Variants in RHOT1 observed in about 807,000 individuals in gnomAD.
The protein encoded by RHOT1 is ras homolog family member T1, also known as mitochondrial Rho GTPase 1.
RHOT1 carries 27 observed loss-of-function variants against 95.3 expected under a neutral mutation model. That is an observed-to-expected ratio of 0.28 (90% confidence interval 0.21 to 0.39). The LOEUF (loss-of-function observed/expected upper bound fraction) is 0.39. Among genes scored for constraint, RHOT1 ranks in the 10% least tolerant of loss-of-function variants. RHOT1 has a pLI of 1.00. For missense variants in RHOT1, 578 were observed against 786.7 expected, an observed-to-expected ratio of 0.73 and a Z score of 3.17; for synonymous variants, 227 against 263.5, an observed-to-expected ratio of 0.86 and a Z score of 1.34.
At chr17:32,147,549 C>T (rs1241896515) in intron 1 of RHOT1, among the ~76,000 whole-genome samples, 6 of 151,928 alleles carry the variant, frequency 3.9e-5, no homozygotes, top group Non-Finnish European at 7.4e-5. Context: ...ACTGGCCGGG[C>T]GCGGTGGCTC....
intron 1 of RHOT1, among the ~76,000 whole-genome samples, chr17:32,158,757 C>T (rs895239307): frequency 3.9e-5 from 6 of 152,282 alleles, no homozygotes; most frequent in Middle Eastern, 3.4e-3. Flanking sequence ...CGTGTCCGGC[C>T]GTTTCTTGGT....
At chr17:32,202,639 GT>G (rs2037407413) in intron 14 of RHOT1, 130 bp from the exon 15 acceptor site, 1 of 646,842 alleles carries the variant, frequency 1.5e-6, no homozygotes. Flanking sequence ...TGTACAATAT[GT>G]TTGTTTATAG....
intron 19 of RHOT1, among the ~76,000 whole-genome samples, chr17:32,223,731 A>G (rs1487892754): frequency 6.6e-6 from 1 of 152,124 alleles, no homozygotes; most frequent in African/African-American, 2.4e-5. Flanking sequence ...TAAGTTTTCT[A>G]CATCATCTCA....
intron 19 of RHOT1, among the ~76,000 whole-genome samples, chr17:32,221,413 T>G (rs1404698805): frequency 6.6e-6 from 1 of 151,822 alleles, no homozygotes; most frequent in Non-Finnish European, 1.5e-5. Context: ...GCCAGAAGCT[T>G]TATGAAACTG....
chr17:32,206,894 C>G lies in RHOT1; in HGVS notation c.1417-16C>G, dbSNP rs2037794928. ...TTATGATACTTATATTTTTCATTAT[C>G]TTTTTCTTTTACAAGTTGCATGATA... On this transcript the variant is annotated splice_polypyrimidine_tract_variant and intron_variant, in intron 16 of 19. Coordinates refer to ENST00000545287, the MANE Select transcript of RHOT1 (RefSeq NM_001033566.3). 1 of 1,523,662 alleles carries G rather than the reference C, an allele frequency of 6.6e-7. No individual in the cohort carries two copies. 94.4% of individuals were successfully genotyped at this position (1,523,662 alleles called of 1,614,324 possible). A position where few individuals can be genotyped will look rare whatever the true frequency, so the allele number is the denominator to read the frequency against.
intron 19 of RHOT1, chr17:32,221,028 T>TA: frequency 1.0e-6 from 1 of 969,594 alleles, no homozygotes; most frequent in Non-Finnish European, 1.2e-6. Context: ...TTGAAAGAAT[T>TA]ATGCTTTTGA....
At chr17:32,178,830 C>G (rs1291561809) in intron 6 of RHOT1, 1 of 150,364 alleles carries the variant, frequency 6.7e-6, no homozygotes, top group Non-Finnish European at 1.4e-5. Context: ...AGCATCTCTG[C>G]CTGGCCACCC....
chr17:32,182,295 T>C (rs766088060), intron 6 of RHOT1, among the ~76,000 whole-genome samples: 1 of 152,058 alleles, frequency 6.6e-6, no homozygotes, highest in African/African-American at 2.4e-5. Context: ...CTAGGCAATA[T>C]AGCTAGACCC....
chr17:32,203,731 A>G (rs1188301166), intron 15 of RHOT1, 159 bp from the exon 16 acceptor site: 5 of 573,566 alleles, frequency 8.7e-6, no homozygotes, highest in Non-Finnish European at 1.5e-5. Flanking sequence ...AAGAACTAAG[A>G]AACATAAAAT....
At chr17:32,208,383 A>G (rs1244604864) in intron 18 of RHOT1, 74 bp downstream of exon 18, 9 of 1,355,478 alleles carry the variant, frequency 6.6e-6, no homozygotes, top group South Asian at 4.7e-5. Context: ...CATGAAGGGA[A>G]TATCTTTGTC....
At chr17:32,164,204 TG>T (rs2033837823) in intron 1 of RHOT1, among the ~76,000 whole-genome samples, 1 of 152,190 alleles carries the variant, frequency 6.6e-6, no homozygotes, top group South Asian at 2.1e-4. Flanking sequence ...TGTCAACTTT[TG>T]GGTAAATTTT....
chr17:32,197,734 G>A (rs947358092), intron 11 of RHOT1, among the ~76,000 whole-genome samples: 8 of 151,552 alleles, frequency 5.3e-5, no homozygotes, highest in Admixed American at 1.3e-4. Context: ...GGCCACACCC[G>A]GCTAATTTTC....
chr17:32,220,932 T>C, intron 19 of RHOT1: 2 of 380,572 alleles, frequency 5.3e-6, no homozygotes, highest in Non-Finnish European at 7.2e-6. Context: ...CTTTTTTATA[T>C]TTGAAAATAA....
intron 2 of RHOT1, among the ~76,000 whole-genome samples, chr17:32,173,320 C>G (rs1323074621): frequency 6.6e-6 from 1 of 152,140 alleles, no homozygotes; most frequent in South Asian, 2.1e-4. Flanking sequence ...ATTATACTTA[C>G]CAGTTGAGCA....
At chr17:32,217,972 C>T (rs1409936122) in intron 19 of RHOT1, among the ~76,000 whole-genome samples, 5 of 151,734 alleles carry the variant, frequency 3.3e-5, no homozygotes, top group African/African-American at 4.8e-5. Context: ...AAGTGATTCT[C>T]CTGTCTCAGC....
At chr17:32,219,065 A>G (rs1050536222) in intron 19 of RHOT1, among the ~76,000 whole-genome samples, 2 of 152,148 alleles carry the variant, frequency 1.3e-5, no homozygotes, top group Non-Finnish European at 2.9e-5. Flanking sequence ...GTGCATTTGT[A>G]CATCTCTTAG....
intron 11 of RHOT1, among the ~76,000 whole-genome samples, chr17:32,195,548 G>A (rs2036815457): frequency 6.6e-6 from 1 of 152,160 alleles, no homozygotes; most frequent in Non-Finnish European, 1.5e-5. Context: ...TTTCAGGGAT[G>A]GTGACTTCCC....
rs760583969 is a variant in RHOT1, at chr17:32,207,595, C to T, written c.1537-512C>T. On this transcript the variant is annotated intron_variant, in intron 17 of 19. Coordinates refer to ENST00000545287, the MANE Select transcript of RHOT1 (RefSeq NM_001033566.3). ...TAAAATAATCTAGTGGAATGTTAGGCAATATTTAAATTAAAAAATAAAAAC... is the reference window on the plus strand; with the variant it reads ...TAAAATAATCTAGTGGAATGTTAGGTAATATTTAAATTAAAAAATAAAAAC... 56 of 153,284 alleles carry T rather than the reference C, an allele frequency of 3.7e-4. 1 individual carries two copies. Among genetic ancestry groups the T allele is most frequent in the Admixed American group, 6.4e-4 (10 of 15,578 alleles). The allele number at this position is 153,284 out of a possible 1,614,324, so 9.5% of individuals were successfully genotyped here.
Position 32,165,190 on chromosome 17 carries a change from A to G in RHOT1, c.38-5853A>G, listed in dbSNP as rs538554689. 7.3e-4 allele frequency among the ~76,000 whole-genome samples: 111 copies of G among 151,944 alleles called. 1 individual carries two copies. Among genetic ancestry groups the G allele is most frequent in the African/African-American group, 2.6e-3 (107 of 41,452 alleles). On this transcript the variant is annotated intron_variant, in intron 1 of 19. Transcript: ENST00000545287. ...ATCTCTACTAAAAATACAAAAAATT[A>G]GCTGGGCACGGTGGCAGGTGCCTGT...
Sources: gnomAD v4.1 joint callset for allele counts (sites outside exome capture counted in the v4.1 genomes callset) on GRCh38, gnomAD v4.1.1 for gene constraint, MANE v1.5 for transcripts, NCBI Gene and HGNC (gene_info 2026-07-23, HGNC 2026-07-21) for gene names.